Variants in CACNA1B observed in about 807,000 individuals in gnomAD.
CACNA1B encodes voltage-dependent N-type calcium channel subunit alpha-1B.
A neutral mutation model predicts 247.2 loss-of-function variants in CACNA1B; 70 were observed. The ratio of observed to expected loss-of-function variants is 0.28; its 90% CI spans 0.23 to 0.35. The LOEUF (loss-of-function observed/expected upper bound fraction) is 0.35, where lower values mean the gene tolerates loss of function less well. Ranked by LOEUF, CACNA1B falls within the 10% of genes least tolerant of loss-of-function variation. The probability of loss-of-function intolerance (pLI) is 1.00; values close to 1 mark genes in which losing one functional copy is unlikely to be tolerated. For missense variants in CACNA1B, 2,367 were observed against 3,197.4 expected, an observed-to-expected ratio of 0.74 and a Z score of 6.26; for synonymous variants, 1,231 against 1,294.4, an observed-to-expected ratio of 0.95 and a Z score of 1.05.
In CACNA1B at chr9:138,078,510, C is replaced by G. The variant is rs187147080; in HGVS notation, c.5094+252C>G. On this transcript the variant is annotated intron_variant, in intron 36 of 46. Coordinates refer to ENST00000371372, the MANE Select transcript of CACNA1B (RefSeq NM_000718.4). ...GTTACATTTCCAGGGGCAACTGTTC[C>G]TTAACTTCCAGCTTCTAGAAGGTCA... 9.6e-4 allele frequency among the ~76,000 whole-genome samples: 146 copies of G among 152,352 alleles called. 1 individual carries two copies. The highest frequency in any genetic ancestry group is 5.7e-4 in the Non-Finnish European group (39 of 68,032).
intron 20 of CACNA1B, 39 bp downstream of exon 20, chr9:138,025,211 T>C: frequency 1.4e-6 from 2 of 1,429,550 alleles, no homozygotes; most frequent in Non-Finnish European, 1.9e-6. Flanking sequence ...GGGCCCATCT[T>C]GTGCAGGTCC....
At chr9:137,953,941 G>A (rs1957911723) in intron 7 of CACNA1B, among the ~76,000 whole-genome samples, 2 of 152,126 alleles carry the variant, frequency 1.3e-5, no homozygotes, top group African/African-American at 4.8e-5. Context: ...AGGAGCATAG[G>A]TGGGTTCAAG....
At chr9:137,886,671 G>C (rs1957017712) in intron 3 of CACNA1B, among the ~76,000 whole-genome samples, 1 of 151,310 alleles carries the variant, frequency 6.6e-6, no homozygotes, top group Admixed American at 6.6e-5. Context: ...GTGCCCCAGA[G>C]AGCAGTCGGC....
intron 18 of CACNA1B, among the ~76,000 whole-genome samples, chr9:138,015,200 G>T (rs948405880): frequency 2.0e-5 from 3 of 152,282 alleles, no homozygotes; most frequent in Admixed American, 2.0e-4. Flanking sequence ...AGGCGTCCAG[G>T]TGTCAGCCCC....
At chr9:137,886,911 G>A (rs1245443244) in intron 3 of CACNA1B, among the ~76,000 whole-genome samples, 1 of 152,086 alleles carries the variant, frequency 6.6e-6, no homozygotes, top group Non-Finnish European at 1.5e-5. Flanking sequence ...GAGAGCGTGA[G>A]GGGTGAGCCA....
chr9:138,115,874 A>G (rs1330979277), intron 42 of CACNA1B, among the ~76,000 whole-genome samples, 195 bp downstream of exon 42: 1 of 152,202 alleles, frequency 6.6e-6, no homozygotes, highest in Non-Finnish European at 1.5e-5. Context: ...CTCCAAGGAC[A>G]GAGAGCCCCT....
At chr9:137,969,785 TG>T (rs1294265217) in intron 10 of CACNA1B, among the ~76,000 whole-genome samples, 1 of 152,132 alleles carries the variant, frequency 6.6e-6, no homozygotes, top group Non-Finnish European at 1.5e-5. Context: ...TGTGGGTGCA[TG>T]GGGGGTTCAG....
In CACNA1B at chr9:138,112,492, A is replaced by G; in HGVS notation, c.5523A>G (p.Val1841=). Residue 1841 remains valine (V), a synonymous_variant, in exon 40 of 47, where the codon GTA becomes GTG. Transcript: ENST00000371372. The part of the protein sequence containing the change: ...NLPQKTLDLL[V]PPHKPDEMTV... ...CCCAGAAGACTTTGGACTTGCTGGT[A>G]CCACCCCATAAGCGTAAGTGTGAGG... 6.2e-7 allele frequency: 1 copy of G among 1,606,496 alleles called. No homozygotes were observed. Among genetic ancestry groups the G allele is most frequent in the Middle Eastern group, 1.7e-4 (1 of 6,046 alleles).
At chr9:137,903,446 A>C (rs1416445784) in intron 3 of CACNA1B, among the ~76,000 whole-genome samples, 1 of 152,078 alleles carries the variant, frequency 6.6e-6, no homozygotes, top group Non-Finnish European at 1.5e-5. Context: ...ACTCATACGC[A>C]TCAGTGGTCT....
rs1564886566 is a variant in CACNA1B, at chr9:137,913,301, G to A, written c.622+30G>A. ...GTCCAGCGAAGACAGGCCCAAGCCG[G>A]CTTGGAGTAACAACCTCCTCTCCTA... On this transcript the variant is annotated intron_variant, in intron 4 of 46. Coordinates refer to ENST00000371372, the MANE Select transcript of CACNA1B (RefSeq NM_000718.4). The surrounding 1 kb of genome is among the most constrained non-coding windows in gnomAD (Gnocchi z 5.2). 1.9e-6 allele frequency: 3 copies of A among 1,553,746 alleles called. No individual in the cohort carries two copies. Among genetic ancestry groups the A allele is most frequent in the Middle Eastern group, 1.7e-4 (1 of 5,938 alleles).
chr9:138,082,541 G>A lies in CACNA1B; in HGVS notation c.5094+4283G>A, dbSNP rs781041521. ...GATTGGCCAAAACTTGATGATTGGC[G>A]TGATAATAGGTTACAAAGTCTGTTT... On this transcript the variant is annotated intron_variant, in intron 36 of 46. Coordinates refer to ENST00000371372, the MANE Select transcript of CACNA1B (RefSeq NM_000718.4). Among the ~76,000 whole-genome samples, 63 of 151,458 alleles carry A rather than the reference G, an allele frequency of 4.2e-4. 4 individuals carry two copies. Among genetic ancestry groups the A allele is most frequent in the African/African-American group, 1.3e-3 (53 of 41,070 alleles).
rs1016087123 is a variant in CACNA1B at position 137,999,138 on chromosome 9, G to A, written c.1975-7629G>A. Among the ~76,000 whole-genome samples the A allele has an allele frequency of 7.9e-5, 12 of 152,218 alleles. No individual in the cohort carries two copies. In the East Asian group the frequency reaches 1.4e-3, roughly 17 times the overall value. The stretch of plus-strand genomic sequence containing the variant: ...CCTGGCGTGGTGAAACCAAAATGGC[G>A]AGACCCCGTATCTACTGAAAATACA... On this transcript the variant is annotated intron_variant, in intron 15 of 46. Coordinates refer to ENST00000371372, the MANE Select transcript of CACNA1B (RefSeq NM_000718.4).
intron 42 of CACNA1B, 143 bp from the exon 43 acceptor site, chr9:138,117,803 A>T (rs998023505): frequency 1.8e-6 from 1 of 560,076 alleles, no homozygotes; most frequent in Admixed American, 3.8e-5. Context: ...AGGAGGGCTC[A>T]ATTCAGTCCA....
intron 19 of CACNA1B, among the ~76,000 whole-genome samples, chr9:138,024,491 T>G (rs1157984877): frequency 1.3e-5 from 2 of 152,156 alleles, no homozygotes; most frequent in African/African-American, 4.8e-5. Context: ...ATCCCTGCCT[T>G]TCGGACTAAA....
intron 15 of CACNA1B, among the ~76,000 whole-genome samples, chr9:137,994,294 A>G (rs1168729880): frequency 6.6e-6 from 1 of 152,250 alleles, no homozygotes; most frequent in Non-Finnish European, 1.5e-5. Context: ...GAATAAGACA[A>G]GGATGCCCAC....
At chr9:138,056,222 C>T (rs1465489780) in intron 26 of CACNA1B, among the ~76,000 whole-genome samples, 2 of 152,150 alleles carry the variant, frequency 1.3e-5, no homozygotes, top group African/African-American at 4.8e-5. Context: ...AAACCCGCAC[C>T]GTTTAACTAT....
At chr9:137,921,331 G>A (rs982489437) in intron 6 of CACNA1B, among the ~76,000 whole-genome samples, 10 of 152,206 alleles carry the variant, frequency 6.6e-5, no homozygotes, top group Non-Finnish European at 1.2e-4. Flanking sequence ...CATCCTGGGA[G>A]CAGAGTAAAG....
intron 15 of CACNA1B, among the ~76,000 whole-genome samples, chr9:137,989,931 G>A (rs1782482939): frequency 6.6e-6 from 1 of 152,238 alleles, no homozygotes; most frequent in African/African-American, 2.4e-5. Flanking sequence ...ATCGGATTAA[G>A]ATGGCAGATA....
In CACNA1B at chr9:138,014,257, T is replaced by G. The variant is rs1482500926; in HGVS notation, c.2267+1022T>G. ...GCACTTGAGAGTTGCACAGTGAGCA[T>G]GTGTGTGAGTGCATGTGCTGAGTGT... On this transcript the variant is annotated intron_variant, in intron 18 of 46. Transcript: ENST00000371372. This position sits in a 1 kb window ranked among gnomAD's most constrained non-coding sequence, Gnocchi z 6.2. Among the ~76,000 whole-genome samples, 1 of 152,156 alleles carries G rather than the reference T, an allele frequency of 6.6e-6. No homozygotes were observed. Among genetic ancestry groups the G allele is most frequent in the African/African-American group, 2.4e-5 (1 of 41,426 alleles).
Sources: gnomAD v4.1 joint callset for allele counts (sites outside exome capture counted in the v4.1 genomes callset) on GRCh38, gnomAD v4.1.1 for gene constraint, Gnocchi (gnomAD v3.1) non-coding constraint, MANE v1.5 for transcripts, NCBI Gene and HGNC (gene_info 2026-07-23, HGNC 2026-07-21) for gene names.